PPP4R2: variants seen among roughly 807,000 people sequenced by gnomAD.
The protein encoded by PPP4R2 is protein phosphatase 4 regulatory subunit 2.
Under a neutral mutation model 47.2 loss-of-function variants are expected in PPP4R2, and 13 were observed. The observed-to-expected ratio is 0.28, with a 90% CI of 0.18 to 0.44. PPP4R2 has a LOEUF of 0.44. PPP4R2 is among the 20% of genes least tolerant of loss of function. PPP4R2 has a pLI of 1.00. For missense variants in PPP4R2, 421 were observed against 491.2 expected, an observed-to-expected ratio of 0.86 and a Z score of 1.35; for synonymous variants, 151 against 163.3, an observed-to-expected ratio of 0.92 and a Z score of 0.57.
chr3:73,005,353 A>G (rs1410700853), intron 2 of PPP4R2, among the ~76,000 whole-genome samples: 2 of 114,906 alleles, frequency 1.7e-5, no homozygotes, highest in South Asian at 2.8e-4. Flanking sequence ...TTTTTTTTTT[A>G]TCCACTTATC....
chr3:72,997,121 T>C, intron 1 of PPP4R2, 50 bp downstream of exon 1: 3 of 1,293,878 alleles, frequency 2.3e-6, no homozygotes, highest in Non-Finnish European at 3.0e-6. Flanking sequence ...TCCGGCTCGC[T>C]CTTCTCTCCT....
intron 2 of PPP4R2, among the ~76,000 whole-genome samples, chr3:73,026,708 T>C (rs1310850034): frequency 3.9e-5 from 6 of 152,148 alleles, no homozygotes. Context: ...GCGATTTTTT[T>C]TTAAAAAAAG....
At chr3:73,037,547 A>G (rs1702290062) in intron 2 of PPP4R2, among the ~76,000 whole-genome samples, 1 of 152,186 alleles carries the variant, frequency 6.6e-6, no homozygotes. Flanking sequence ...TGCTAGATAG[A>G]GGTCAGGGAT....
rs199917657 is a variant in PPP4R2 at position 73,014,686 on chromosome 3, G to GT, written c.116+16537dup. Among the ~76,000 whole-genome samples the GT allele has an allele frequency of 7.2e-3, 1,085 of 151,304 alleles. 10 individuals carry two copies. Among genetic ancestry groups the GT allele is most frequent in the African/African-American group, 0.024 (988 of 41,326 alleles). ...TTTTATTTTGTGCTAACATCTTATA[G>GT]TTTTTTTTTATTGCCACTTGTAATT... On this transcript the variant is annotated intron_variant, in intron 2 of 8. Coordinates refer to ENST00000356692, the MANE Select transcript of PPP4R2 (RefSeq NM_174907.4).
At chr3:73,005,450 G>T (rs1324494631) in intron 2 of PPP4R2, among the ~76,000 whole-genome samples, 2 of 151,322 alleles carry the variant, frequency 1.3e-5, no homozygotes, top group Non-Finnish European at 2.9e-5. Flanking sequence ...TGTTGTCTTT[G>T]GTTTTTTTGT....
intron 2 of PPP4R2, among the ~76,000 whole-genome samples, chr3:73,016,809 GTTTCT>G (rs1409213177): frequency 1.3e-4 from 6 of 47,320 alleles, no homozygotes; most frequent in Non-Finnish European, 2.0e-4. Context: ...CTGGTTCATT[GTTTCT>G]TTTTTTTTTT....
In PPP4R2 at chr3:73,065,577, T is replaced by G; in HGVS notation, c.1109T>G (p.Val370Gly). Residue 370 changes from valine (V) to glycine (G), a missense_variant, in exon 9 of 9, where the codon GTA becomes GGA. By Grantham distance (109) the Val-to-Gly change is moderately radical. Around this residue, in one of 2 missense-constraint regions of PPP4R2, gnomAD observed 317 missense variants for 287.5 expected, o/e 1.10. Coordinates refer to ENST00000356692, the MANE Select transcript of PPP4R2 (RefSeq NM_174907.4). ...HSEGSENEGP[V>G]SSSSSDCRET... is the part of the protein sequence containing the mutation. The stretch of plus-strand genomic sequence containing the variant: ...GAAGGTAGTGAAAACGAAGGCCCTG[T>G]AAGTAGTAGTTCTTCTGACTGCCGT... The G allele has an allele frequency of 6.2e-7, 1 of 1,613,570 alleles. No individual in the cohort carries two copies. The highest frequency in any genetic ancestry group is 8.5e-7 in the Non-Finnish European group (1 of 1,179,712).
chr3:73,000,749 T>C (rs1165627938), intron 2 of PPP4R2, among the ~76,000 whole-genome samples: 1 of 152,156 alleles, frequency 6.6e-6, no homozygotes, highest in African/African-American at 2.4e-5. Context: ...CTTCAAAAAA[T>C]TGTTTTTATG....
intron 2 of PPP4R2, among the ~76,000 whole-genome samples, chr3:73,026,411 A>G (rs1487911495): frequency 6.6e-6 from 1 of 152,134 alleles, no homozygotes; most frequent in Non-Finnish European, 1.5e-5. Flanking sequence ...CATCTCTTCT[A>G]GAAAACCTCC....
intron 2 of PPP4R2, among the ~76,000 whole-genome samples, chr3:73,041,391 A>G (rs1167204886): frequency 1.3e-5 from 2 of 152,226 alleles, no homozygotes; most frequent in African/African-American, 4.8e-5. Flanking sequence ...TTACTTTTGC[A>G]GATCTTTCAC....
At position 73,047,051 on chromosome 3, in the gene PPP4R2, C is replaced by T. The variant is rs528183486; in HGVS notation, c.117-135C>T. ...AGGCATGATGTGTGCTCTTCAATGA[C>T]GGCATTCTCATTACTAATTATTCAC... On this transcript the variant is annotated intron_variant, in intron 2 of 8. Coordinates refer to ENST00000356692, the MANE Select transcript of PPP4R2 (RefSeq NM_174907.4). 1.6e-4 allele frequency: 93 copies of T among 572,582 alleles called. 1 individual carries two copies. Among genetic ancestry groups the T allele is most frequent in the South Asian group, 1.5e-4 (6 of 39,436 alleles). The allele number at this position is 572,582 out of a possible 1,614,324, so 35.5% of individuals were successfully genotyped here.
At chr3:73,007,731 G>C (rs1456746864) in intron 2 of PPP4R2, among the ~76,000 whole-genome samples, 3 of 152,040 alleles carry the variant, frequency 2.0e-5, no homozygotes, top group South Asian at 2.1e-4. Flanking sequence ...TCAAGTGATC[G>C]ACCCGTCTCG....
chr3:73,015,727 C>T (rs1701816324), intron 2 of PPP4R2: 5 of 405,882 alleles, frequency 1.2e-5, no homozygotes, highest in South Asian at 8.4e-5. Flanking sequence ...AAGCTCCACC[C>T]CCTGGGTTCA....
intron 2 of PPP4R2, among the ~76,000 whole-genome samples, chr3:73,035,238 A>G (rs982583923): frequency 1.3e-5 from 2 of 152,150 alleles, no homozygotes; most frequent in Non-Finnish European, 2.9e-5. Context: ...TTAAATGACC[A>G]TTATCAAAAA....
At chr3:72,998,052 C>T (rs1225326565) in intron 1 of PPP4R2, 25 bp from the exon 2 acceptor site, 33 of 1,502,318 alleles carry the variant, frequency 2.2e-5, no homozygotes, top group Non-Finnish European at 2.9e-5. Context: ...AAACTGATAA[C>T]GTTTTTTTTT....
At chr3:73,057,481 A>G (rs1702751402) in intron 3 of PPP4R2, among the ~76,000 whole-genome samples, 1 of 152,150 alleles carries the variant, frequency 6.6e-6, no homozygotes, top group Non-Finnish European at 1.5e-5. Flanking sequence ...TTGGAATATC[A>G]GGCAAACATT....
intron 2 of PPP4R2, among the ~76,000 whole-genome samples, chr3:73,042,489 C>T (rs987374664): frequency 2.0e-5 from 3 of 151,162 alleles, no homozygotes; most frequent in Non-Finnish European, 2.9e-5. Context: ...CTCAGCCTCC[C>T]GAGTAGCTGG....
At chr3:73,015,440 G>T (rs1031998091) in intron 2 of PPP4R2, among the ~76,000 whole-genome samples, 1 of 148,302 alleles carries the variant, frequency 6.7e-6, no homozygotes, top group Admixed American at 6.8e-5. Flanking sequence ...GCCTCCCAAA[G>T]TTGGGATTAC....
chr3:73,033,010 A>G (rs959862420), intron 2 of PPP4R2, among the ~76,000 whole-genome samples: 3 of 152,162 alleles, frequency 2.0e-5, no homozygotes, highest in Admixed American at 1.3e-4. Flanking sequence ...ATGAAAATGG[A>G]AATTCTACCA....
Sources: allele counts gnomAD v4.1 joint callset (sites outside exome capture counted in the v4.1 genomes callset), GRCh38; gene constraint gnomAD v4.1.1; regional missense constraint gnomAD v4.1.1; transcripts MANE v1.5; gene names NCBI Gene and HGNC (gene_info 2026-07-23, HGNC 2026-07-21).